The following TNK2 variants were observed in gnomAD, a reference collection of about 807,000 sequenced individuals.
The protein encoded by TNK2 is tyrosine kinase non receptor 2.
In TNK2, 83 loss-of-function variants were observed where a neutral mutation model predicts 101.8. That is an observed-to-expected ratio of 0.82 (90% CI 0.68 to 0.98). The LOEUF (loss-of-function observed/expected upper bound fraction) is 0.98, where lower values mean the gene tolerates loss of function less well. TNK2 is among the 50% of genes least tolerant of loss of function. The probability of loss-of-function intolerance (pLI) is 0.00; values close to 1 mark genes in which losing one functional copy is unlikely to be tolerated. For missense variants in TNK2, 1,665 were observed against 1,483.2 expected (o/e 1.12, Z -2.01); for synonymous variants, 804 against 633.0 (o/e 1.27, Z -4.06).
chr3:195,883,488 G>A, intron 4 of TNK2, 179 bp from the exon 5 acceptor site: 1 of 680,492 alleles, frequency 1.5e-6, no homozygotes, highest in Non-Finnish European at 2.4e-6. Flanking sequence ...GGCTGGAGAA[G>A]GGCAGACGGC....
chr3:195,872,418 G>GCCC lies in TNK2; in HGVS notation c.1306_1308dup (p.Gly436dup), dbSNP rs1746075167. ...GAGGTCACCACGTTGCGAGGGAAGG[G>GCCC]CCCCACACACAGCGTCCGTGTGTTC... On this transcript the variant is annotated inframe_insertion, in exon 10 of 16. Transcript: ENST00000672887. The GCCC allele has an allele frequency of 6.2e-7, 1 of 1,612,552 alleles. No homozygotes were observed. The highest frequency in any genetic ancestry group is 1.3e-5 in the African/African-American group (1 of 74,928).
At chr3:195,879,262 A>G (rs1751096857) in intron 6 of TNK2, 87 bp from the exon 7 acceptor site, 3 of 1,561,124 alleles carry the variant, frequency 1.9e-6, no homozygotes, top group African/African-American at 1.3e-5. Context: ...TGCAGCAAAC[A>G]CTTGTTGTGA....
Position 195,867,192 on chromosome 3 carries a change from G to T in TNK2, c.3010C>A (p.Gln1004Lys), listed in dbSNP as rs753247115. 1.2e-6 allele frequency: 2 copies of T among 1,612,854 alleles called. No individual in the cohort carries two copies. Among genetic ancestry groups the T allele is most frequent in the African/African-American group, 1.3e-5 (1 of 74,918 alleles). ...AALQCHGWSV[Q>K]RAAQYLKVEQ... is the part of the protein sequence containing the mutation. ...ACCTTCAGATACTGGGCAGCCCTCT[G>T]CACGCTCCAGCCGTGGCACTGCAGG... The change falls in exon 14 of 16, where the codon CAG (glutamine) becomes AAG (lysine). Residue 1004 changes from glutamine to lysine, a missense_variant. Gln to Lys is a moderately conservative substitution (Grantham distance 53). This residue lies in a region of TNK2 where 1,136 missense variants were observed against 894.9 expected (regional missense o/e 1.27). Transcript: ENST00000672887.
intron 1 of TNK2, among the ~76,000 whole-genome samples, chr3:195,904,208 T>G (rs1161438965): frequency 6.8e-6 from 1 of 146,386 alleles, no homozygotes; most frequent in East Asian, 2.0e-4. Context: ...CAGTGAGCCA[T>G]GATCACACCA....
At chr3:195,906,754 T>A (rs964122619) in intron 1 of TNK2, among the ~76,000 whole-genome samples, 1 of 152,202 alleles carries the variant, frequency 6.6e-6, no homozygotes, top group Non-Finnish European at 1.5e-5. Context: ...TATGTCATTA[T>A]ATCTCAATAA....
At chr3:195,869,618 G>C in intron 11 of TNK2, 77 bp from the exon 12 acceptor site, 8 of 1,403,238 alleles carry the variant, frequency 5.7e-6, no homozygotes, top group Non-Finnish European at 6.9e-6. Flanking sequence ...GGCCGGACGA[G>C]AGGGCAGAGT....
At chr3:195,899,051 G>A (rs918699158) in intron 1 of TNK2, among the ~76,000 whole-genome samples, 6 of 151,974 alleles carry the variant, frequency 3.9e-5, no homozygotes, top group Non-Finnish European at 5.9e-5. Flanking sequence ...AGCCAAGATC[G>A]TACCACTGCA....
chr3:195,887,842 G>C (rs1030090702), intron 2 of TNK2, among the ~76,000 whole-genome samples: 1 of 142,940 alleles, frequency 7.0e-6, no homozygotes, highest in Non-Finnish European at 1.6e-5. Context: ...ACACGTGTGT[G>C]TGTGTGTGCG....
rs1755171012 is a variant in TNK2 at position 195,885,417 on chromosome 3, A to G, written c.235-384T>C. 1.5e-6 allele frequency: 2 copies of G among 1,340,738 alleles called. No homozygotes were observed. The highest frequency in any genetic ancestry group is 1.5e-5 in the African/African-American group (1 of 67,744). 83.1% of individuals were successfully genotyped at this position (1,340,738 alleles called of 1,614,324 possible). A position where few individuals can be genotyped will look rare whatever the true frequency, so the allele number is the denominator to read the frequency against. On this transcript the variant is annotated intron_variant, in intron 3 of 15. Transcript: ENST00000672887. This position sits in a 1 kb window ranked among gnomAD's most constrained non-coding sequence, Gnocchi z 4.7. The stretch of plus-strand genomic sequence containing the variant: ...CCCGCAGACTCCAGCCCTAACCCGC[A>G]TCGATGGAGCCGCAGGGGCCCTCCA...
At chr3:195,899,429 C>A (rs962565501) in intron 1 of TNK2, among the ~76,000 whole-genome samples, 6 of 151,776 alleles carry the variant, frequency 4.0e-5, no homozygotes, top group Admixed American at 2.0e-4. Context: ...CGGGTTTAAG[C>A]GATTCTCCTG....
intron 12 of TNK2, chr3:195,869,261 G>A: frequency 1.7e-6 from 1 of 604,124 alleles, no homozygotes; most frequent in Non-Finnish European, 3.0e-6. Context: ...ACAGGTCTGG[G>A]AGGGAGTGAG....
chr3:195,867,807 G>A lies in TNK2; in HGVS notation c.2491C>T (p.Pro831Ser), dbSNP rs748800592. ...RLSSSPGKTM[P>S]TTQSFASDPK... The stretch of plus-strand genomic sequence containing the variant: ...TCTGAGGCAAAGCTCTGGGTGGTGG[G>A]CATGGTCTTCCCAGGTGAGCTTGAG... Residue 831 changes from proline to serine, a missense_variant, in exon 13 of 16, where the codon CCC becomes TCC. Around this residue, in one of 3 missense-constraint regions of TNK2, gnomAD observed 1,136 missense variants for 894.9 expected, o/e 1.27. Coordinates refer to ENST00000672887, the MANE Select transcript of TNK2 (RefSeq NM_001382273.1). 3 of 1,559,226 alleles carry A rather than the reference G, an allele frequency of 1.9e-6. No individual in the cohort carries two copies. Among genetic ancestry groups the A allele is most frequent in the Non-Finnish European group, 2.6e-6 (3 of 1,156,280 alleles).
rs1052380910 is a variant in TNK2 at position 195,873,825 on chromosome 3, G to A, written c.1257-1355C>T. On this transcript the variant is annotated intron_variant, in intron 9 of 15. Transcript: ENST00000672887. ...AGAGCACCACGGTCGGCGGGGAGGC[G>A]GGGGGCGCGGGGCGCGGGGAGACGG... Among the ~76,000 whole-genome samples, 6 of 151,988 alleles carry A rather than the reference G, an allele frequency of 3.9e-5. No homozygotes were observed. The South Asian group carries it at 6.2e-4, about 16-fold the overall frequency.
At chr3:195,869,173 C>A in intron 12 of TNK2, 1 of 556,904 alleles carries the variant, frequency 1.8e-6, no homozygotes, top group East Asian at 3.0e-5. Context: ...GCCACAAAGC[C>A]CAGACAGCGC....
chr3:195,880,689 G>A (rs1184654169), intron 6 of TNK2, among the ~76,000 whole-genome samples: 2 of 103,032 alleles, frequency 1.9e-5, no homozygotes, highest in African/African-American at 4.3e-5. Context: ...AATGACCCTC[G>A]GAGAGGACAC....
chr3:195,870,417 T>C (rs2278033), intron 10 of TNK2: 444,858 of 1,411,084 alleles, frequency 0.32, 71,603 homozygotes, highest in Non-Finnish European at 0.33. Flanking sequence ...GACCCCAGGA[T>C]GGAAAGCCTA....
At chr3:195,892,766 C>T (rs1273319764) in intron 1 of TNK2, 1 of 1,235,742 alleles carries the variant, frequency 8.1e-7, no homozygotes, top group Non-Finnish European at 1.0e-6. Context: ...AGCCCTACTC[C>T]CCGGCTTCCC....
chr3:195,907,809 C>T (rs763861758), intron 1 of TNK2, among the ~76,000 whole-genome samples: 2 of 152,216 alleles, frequency 1.3e-5, no homozygotes, highest in South Asian at 2.1e-4. Context: ...CAGCCCAGAG[C>T]CCTGGGGTGC....
chr3:195,870,296 CG>C (rs1376587670), intron 10 of TNK2, 91 bp from the exon 11 acceptor site: 3 of 1,562,920 alleles, frequency 1.9e-6, no homozygotes, highest in Non-Finnish European at 2.6e-6. Flanking sequence ...TGGAGGAAAC[CG>C]GGTGTAGTCT....
Sources: allele counts gnomAD v4.1 joint callset (sites outside exome capture counted in the v4.1 genomes callset), GRCh38; gene constraint gnomAD v4.1.1; regional missense constraint gnomAD v4.1.1; non-coding constraint Gnocchi (gnomAD v3.1); transcripts MANE v1.5; gene names NCBI Gene and HGNC (gene_info 2026-07-23, HGNC 2026-07-21).